ST18: variants seen among roughly 807,000 people sequenced by gnomAD.
ST18 encodes ST18 C2H2C-type zinc finger transcription factor.
Under a neutral mutation model 110.0 loss-of-function variants are expected in ST18, and 50 were observed. The ratio of observed to expected loss-of-function variants is 0.45; its 90% CI spans 0.36 to 0.58. The LOEUF is 0.58. Ranked by LOEUF, ST18 falls within the 20% of genes least tolerant of loss-of-function variation. ST18 has a pLI of 0.00. For missense variants in ST18, 1,306 were observed against 1,280.1 expected (o/e 1.02, Z -0.31); for synonymous variants, 461 against 452.4 (o/e 1.02, Z -0.24).
intron 23 of ST18, among the ~76,000 whole-genome samples, chr8:52,120,056 A>G (rs2044086580): frequency 6.6e-6 from 1 of 152,216 alleles, no homozygotes; most frequent in Non-Finnish European, 1.5e-5. Context: ...GAACTATAGT[A>G]TCTGGGACTC....
At chr8:52,282,254 C>T (rs1589589229) in intron 2 of ST18, among the ~76,000 whole-genome samples, 1 of 152,094 alleles carries the variant, frequency 6.6e-6, no homozygotes, top group Non-Finnish European at 1.5e-5. Flanking sequence ...CCAAGATAAT[C>T]TTACCTGTGA....
chr8:52,301,447 TA>T (rs777955893), intron 2 of ST18, among the ~76,000 whole-genome samples: 9 of 152,220 alleles, frequency 5.9e-5, no homozygotes, highest in Non-Finnish European at 8.8e-5. Flanking sequence ...GTTGTGTTAC[TA>T]AGTCACAGAG....
chr8:52,383,497 G>A (rs1005815350), intron 2 of ST18, among the ~76,000 whole-genome samples: 4 of 152,100 alleles, frequency 2.6e-5, no homozygotes, highest in African/African-American at 9.7e-5. Flanking sequence ...CACCCAGGCT[G>A]GAGTGCAGTG....
chr8:52,230,776 C>T (rs1042650924), intron 2 of ST18, among the ~76,000 whole-genome samples: 6 of 151,632 alleles, frequency 4.0e-5, no homozygotes, highest in Non-Finnish European at 7.4e-5. Flanking sequence ...GGGTTCACCA[C>T]TAGTAGATAT....
At chr8:52,305,411 G>C (rs1263847655) in intron 2 of ST18, among the ~76,000 whole-genome samples, 1 of 152,166 alleles carries the variant, frequency 6.6e-6, no homozygotes, top group Non-Finnish European at 1.5e-5. Flanking sequence ...CCTCATTCCT[G>C]TCTTGCTGTC....
intron 8 of ST18, among the ~76,000 whole-genome samples, chr8:52,194,195 C>T (rs886501035): frequency 6.6e-5 from 10 of 152,162 alleles, no homozygotes; most frequent in South Asian, 2.1e-4. Context: ...TTAATAACAA[C>T]GAGAGGAGTA....
intron 22 of ST18, among the ~76,000 whole-genome samples, chr8:52,128,908 T>G (rs1411189937): frequency 6.6e-6 from 1 of 152,204 alleles, no homozygotes; most frequent in Non-Finnish European, 1.5e-5. Flanking sequence ...GGGTGCTGTC[T>G]GTGGGCAAGA....
At chr8:52,211,656 C>T (rs1203367261) in intron 8 of ST18, among the ~76,000 whole-genome samples, 1 of 152,002 alleles carries the variant, frequency 6.6e-6, no homozygotes, top group Non-Finnish European at 1.5e-5. Context: ...ATCTGCTCAC[C>T]TCAGCCTGGA....
chr8:52,300,342 A>G (rs1283824903), intron 2 of ST18, among the ~76,000 whole-genome samples: 1 of 152,238 alleles, frequency 6.6e-6, no homozygotes, highest in African/African-American at 2.4e-5. Context: ...AGAACCAAGC[A>G]TTAAGTTCAA....
Position 52,112,972 on chromosome 8 carries a change from AAAAT to A in ST18, c.*222_*225del. 2.7e-6 allele frequency: 1 copy of A among 377,216 alleles called. No homozygotes were observed. Among genetic ancestry groups the A allele is most frequent in the Non-Finnish European group, 4.6e-6 (1 of 217,116 alleles). The allele number at this position is 377,216 out of a possible 1,614,324, so 23.4% of individuals were successfully genotyped here. A position where few individuals can be genotyped will look rare whatever the true frequency, so the allele number is the denominator to read the frequency against. Reference sequence around the variant, plus strand: ...TGAAGAAATAAAAGAAAAACATATGAAAATAAATAAGATCTAATAATTGACTGCA... The same window carrying A: ...TGAAGAAATAAAAGAAAAACATATGAAAATAAGATCTAATAATTGACTGCA... On this transcript the variant is annotated 3_prime_UTR_variant, in exon 26 of 26. Transcript: ENST00000689386.
At chr8:52,244,201 A>G (rs2093665163) in intron 2 of ST18, among the ~76,000 whole-genome samples, 1 of 152,218 alleles carries the variant, frequency 6.6e-6, no homozygotes, top group Admixed American at 6.5e-5. Flanking sequence ...GATTTATACC[A>G]AAATAAAAAT....
intron 2 of ST18, among the ~76,000 whole-genome samples, chr8:52,299,658 T>C (rs991376040): frequency 6.6e-6 from 1 of 152,224 alleles, no homozygotes; most frequent in African/African-American, 2.4e-5. Flanking sequence ...GGCATTGTTT[T>C]GGAGCCAGTT....
chr8:52,141,698 T>C (rs1038222637), intron 17 of ST18, among the ~76,000 whole-genome samples: 5 of 152,106 alleles, frequency 3.3e-5, no homozygotes, highest in African/African-American at 9.7e-5. Flanking sequence ...TGCAGAAGCC[T>C]TGGGGACAGC....
chr8:52,193,923 T>C (rs2075372536), intron 8 of ST18, among the ~76,000 whole-genome samples: 1 of 152,218 alleles, frequency 6.6e-6, no homozygotes, highest in Admixed American at 6.5e-5. Flanking sequence ...CTATTACTCA[T>C]GTCATAAATT....
intron 2 of ST18, among the ~76,000 whole-genome samples, chr8:52,293,670 TTC>T (rs1237364523): frequency 3.3e-5 from 5 of 152,198 alleles, no homozygotes; most frequent in African/African-American, 7.2e-5. Context: ...TGCTTTTATT[TTC>T]TCTCTTTTTT....
chr8:52,197,891 A>ACAC (rs2076691158), intron 8 of ST18, among the ~76,000 whole-genome samples: 1 of 143,098 alleles, frequency 7.0e-6, no homozygotes, highest in East Asian at 2.0e-4. Flanking sequence ...CAAAATGAGC[A>ACAC]CACACACACA....
rs186499164 is a variant in ST18, at chr8:52,138,107, A to G, written c.2169-624T>C. On this transcript the variant is annotated intron_variant, in intron 17 of 25. Transcript: ENST00000689386. ...AAACTCTGTCTCAAAAAAAAAAAAA[A>G]AAAAGAAAAGAAAAAGAAAAATACA... Among the ~76,000 whole-genome samples, 271 of 151,522 alleles carry G rather than the reference A, an allele frequency of 1.8e-3. 4 individuals carry two copies. The highest frequency in any genetic ancestry group is 3.4e-4 in the Non-Finnish European group (23 of 67,846).
At chr8:52,293,275 C>T (rs1263183155) in intron 2 of ST18, among the ~76,000 whole-genome samples, 1 of 152,192 alleles carries the variant, frequency 6.6e-6, no homozygotes, top group Non-Finnish European at 1.5e-5. Context: ...TTTGCAGGGC[C>T]AGGCTGTGCA....
Position 52,357,471 on chromosome 8 carries a change from G to A in ST18, c.-465+51857C>T, listed in dbSNP as rs765688582. On this transcript the variant is annotated intron_variant, in intron 2 of 25. Coordinates refer to ENST00000689386, the MANE Select transcript of ST18 (RefSeq NM_001352837.2). Reference sequence around the variant, plus strand: ...ATCCAAATACACAAACAGATTGAAAGTGAAAGAATGGAAAAGATATTCCAA... The same window carrying A: ...ATCCAAATACACAAACAGATTGAAAATGAAAGAATGGAAAAGATATTCCAA... Among the ~76,000 whole-genome samples the A allele has an allele frequency of 2.0e-5, 3 of 151,186 alleles. No individual in the cohort carries two copies. In the East Asian group the frequency reaches 5.8e-4, roughly 29 times the overall value.
Sources: allele counts gnomAD v4.1 joint callset (sites outside exome capture counted in the v4.1 genomes callset), GRCh38; gene constraint gnomAD v4.1.1; transcripts MANE v1.5; gene names NCBI Gene and HGNC (gene_info 2026-07-23, HGNC 2026-07-21).